UCHL1: variants seen among roughly 807,000 people sequenced by gnomAD.
UCHL1 encodes the protein ubiquitin carboxyl-terminal hydrolase isozyme L1.
In UCHL1, 5 loss-of-function variants were observed where a neutral mutation model predicts 33.3. The ratio of observed to expected loss-of-function variants is 0.15; its 90% CI spans 0.08 to 0.32. UCHL1 has a LOEUF of 0.32. Ranked by LOEUF, UCHL1 falls within the 10% of genes least tolerant of loss-of-function variation. The pLI, the probability that UCHL1 is intolerant of heterozygous loss-of-function variation, is 1.00. For synonymous variants in UCHL1, 132 were observed against 108.8 expected (o/e 1.21, Z -1.33); for missense variants, 236 against 280.0 (o/e 0.84, Z 1.12).
At position 41,257,018 on chromosome 4, in the gene UCHL1, C is replaced by A; in HGVS notation, c.33+9C>A. ...TGGAGATCAACCCCGAGGTGAGCGC[C>A]AGGTGCACCGCTACCCGGAGAGCGC... On this transcript the variant is annotated intron_variant, in intron 1 of 8. Transcript: ENST00000284440. 6.2e-7 allele frequency: 1 copy of A among 1,614,174 alleles called. No individual in the cohort carries two copies.
At chr4:41,258,471 A>T (rs1260247302) in intron 3 of UCHL1, among the ~76,000 whole-genome samples, 1 of 152,156 alleles carries the variant, frequency 6.6e-6, no homozygotes, top group Non-Finnish European at 1.5e-5. Flanking sequence ...ACAAGTGTGC[A>T]TGGATAGATG....
chr4:41,266,993 C>T (rs1781164746), intron 8 of UCHL1, among the ~76,000 whole-genome samples: 1 of 152,170 alleles, frequency 6.6e-6, no homozygotes, highest in Non-Finnish European at 1.5e-5. Flanking sequence ...CCTTCAGGGT[C>T]TTATACTATG....
rs1217236250 is a variant in UCHL1, at chr4:41,267,469, A to G, written c.586-518A>G. On this transcript the variant is annotated intron_variant, in intron 8 of 8. Coordinates refer to ENST00000284440, the MANE Select transcript of UCHL1 (RefSeq NM_004181.5). Reference sequence around the variant, plus strand: ...CACCATGTTGGCCAGGATGGTCTCTATCTCCCAGCCTCGTGATCCGCCTGC... The same window carrying G: ...CACCATGTTGGCCAGGATGGTCTCTGTCTCCCAGCCTCGTGATCCGCCTGC... 4.6e-5 allele frequency among the ~76,000 whole-genome samples: 7 copies of G among 152,130 alleles called. No homozygotes were observed. The South Asian group carries it at 6.2e-4, about 14-fold the overall frequency.
intron 8 of UCHL1, among the ~76,000 whole-genome samples, chr4:41,267,627 T>C (rs1781175199): frequency 6.6e-6 from 1 of 152,230 alleles, no homozygotes; most frequent in Non-Finnish European, 1.5e-5. Flanking sequence ...ACTTTTCACT[T>C]ATGCCACCTT....
At chr4:41,264,332 C>A in intron 8 of UCHL1, 171 bp downstream of exon 8, 1 of 824,536 alleles carries the variant, frequency 1.2e-6, no homozygotes, top group Non-Finnish European at 2.0e-6. Context: ...TATTTTATTG[C>A]AAGTGGTTTT....
At position 41,257,752 on chromosome 4, in the gene UCHL1, C is replaced by T. The variant is rs953779930; in HGVS notation, c.174+15C>T. 1 of 1,563,350 alleles carries T rather than the reference C, an allele frequency of 6.4e-7. No individual in the cohort carries two copies. Among genetic ancestry groups the T allele is most frequent in the African/African-American group, 1.4e-5 (1 of 73,754 alleles). On this transcript the variant is annotated intron_variant, in intron 3 of 8. Coordinates refer to ENST00000284440, the MANE Select transcript of UCHL1 (RefSeq NM_004181.5). The stretch of plus-strand genomic sequence containing the variant: ...TCACGGCCCAGGTAGGGCGTGGGGC[C>T]CAGGATGCGCCGGCCGCCGGCAGTG...
At chr4:41,258,779 T>A (rs1378480345) in intron 3 of UCHL1, among the ~76,000 whole-genome samples, 2 of 152,198 alleles carry the variant, frequency 1.3e-5, no homozygotes, top group Non-Finnish European at 2.9e-5. Context: ...CTAAGTATTG[T>A]GGGTAAAAAC....
intron 8 of UCHL1, among the ~76,000 whole-genome samples, chr4:41,265,442 G>A (rs565631057): frequency 1.3e-5 from 2 of 152,254 alleles, no homozygotes; most frequent in African/African-American, 2.4e-5. Context: ...GCCAGACCTG[G>A]TGGTGCATTC....
At chr4:41,257,408 G>A (rs1013081350) in intron 2 of UCHL1, 2 of 897,444 alleles carry the variant, frequency 2.2e-6, no homozygotes, top group African/African-American at 1.8e-5. Context: ...CGGCTGCACG[G>A]GCTTCGCGGG....
At position 41,257,609 on chromosome 4, in the gene UCHL1, G is replaced by A; in HGVS notation, c.46G>A (p.Val16Met). The A allele has an allele frequency of 6.5e-7, 1 of 1,546,872 alleles. No individual in the cohort carries two copies. Among genetic ancestry groups the A allele is most frequent in the Non-Finnish European group, 8.7e-7 (1 of 1,152,446 alleles). ...TGGCCGCCTTGTCTCCTCTCCGCAGGTGCTGTCCCGGCTGGGGGTCGCCGG... is the reference window on the plus strand; with the variant it reads ...TGGCCGCCTTGTCTCCTCTCCGCAGATGCTGTCCCGGCTGGGGGTCGCCGG... ...MEINPEMLNK[V>M]LSRLGVAGQW... The change falls in exon 3 of 9, where the codon GTG becomes ATG. Residue 16 changes from valine to methionine, a missense_variant and splice_region_variant. Coordinates refer to ENST00000284440, the MANE Select transcript of UCHL1 (RefSeq NM_004181.5).
At chr4:41,267,270 G>A (rs1395828159) in intron 8 of UCHL1, among the ~76,000 whole-genome samples, 2 of 151,448 alleles carry the variant, frequency 1.3e-5, no homozygotes, top group African/African-American at 2.4e-5. Context: ...CTGAGACGGA[G>A]TCTCGCTCTG....
intron 7 of UCHL1, among the ~76,000 whole-genome samples, chr4:41,263,747 T>C (rs1463182482): frequency 3.3e-5 from 5 of 152,194 alleles, no homozygotes; most frequent in Non-Finnish European, 5.9e-5. Flanking sequence ...TCTACAGTCA[T>C]TGGAGGGCAG....
Position 41,260,671 on chromosome 4 carries a change from A to G in UCHL1, c.199A>G (p.Ile67Val). 4 of 1,614,248 alleles carry G rather than the reference A, an allele frequency of 2.5e-6. No homozygotes were observed. The Middle Eastern group carries it at 4.9e-4, about 200-fold the overall frequency. ...AQHENFRKKQ[I>V]EELKGQEVSP... ...GCATGAGAACTTCAGGAAAAAGCAG[A>G]TTGAAGAGCTGAAGGGACAAGAAGT... is the stretch of plus-strand genomic sequence containing the variant. The change falls in exon 4 of 9, where the codon ATT (isoleucine) becomes GTT (valine). Residue 67 changes from isoleucine to valine, a missense_variant. By Grantham distance (29) the Ile-to-Val change is conservative. Transcript: ENST00000284440.
At chr4:41,262,976 G>T (rs1369740316) in intron 6 of UCHL1, among the ~76,000 whole-genome samples, 2 of 151,634 alleles carry the variant, frequency 1.3e-5, no homozygotes, top group African/African-American at 4.8e-5. Flanking sequence ...GAGATAGTTA[G>T]CCTCTCTAAG....
At chr4:41,258,940 C>T (rs1781027390) in intron 3 of UCHL1, among the ~76,000 whole-genome samples, 1 of 152,214 alleles carries the variant, frequency 6.6e-6, no homozygotes. Context: ...GAGCATCACA[C>T]AGAGGTTTTT....
intron 8 of UCHL1, among the ~76,000 whole-genome samples, chr4:41,267,123 C>T (rs2154087350): frequency 6.6e-6 from 1 of 152,260 alleles, no homozygotes; most frequent in Non-Finnish European, 1.5e-5. Context: ...TTCCTGTTAC[C>T]AGTCTTTGTC....
intron 2 of UCHL1, 36 bp downstream of exon 2, chr4:41,257,162 C>G: frequency 6.2e-7 from 1 of 1,611,558 alleles, no homozygotes; most frequent in Non-Finnish European, 8.5e-7. Flanking sequence ...GGCCCCCTCC[C>G]CCGCGAGCGC....
intron 2 of UCHL1, 85 bp from the exon 3 acceptor site, chr4:41,257,524 C>T (rs985260501): frequency 6.6e-6 from 9 of 1,370,636 alleles, no homozygotes; most frequent in Non-Finnish European, 8.4e-6. Flanking sequence ...GCGCGGAGGG[C>T]GCGCGCCTCC....
intron 8 of UCHL1, among the ~76,000 whole-genome samples, chr4:41,266,361 T>C (rs1781154300): frequency 2.0e-5 from 3 of 152,308 alleles, no homozygotes; most frequent in South Asian, 4.1e-4. Context: ...AAGGATGTTT[T>C]AGGTTGTCTA....
Sources: allele counts gnomAD v4.1 joint callset (sites outside exome capture counted in the v4.1 genomes callset), GRCh38; gene constraint gnomAD v4.1.1; transcripts MANE v1.5; gene names NCBI Gene and HGNC (gene_info 2026-07-23, HGNC 2026-07-21).